IRAK2: variants seen among roughly 807,000 people sequenced by gnomAD.
The protein encoded by IRAK2 is interleukin 1 receptor associated kinase 2.
IRAK2 carries 57 observed loss-of-function variants against 72.0 expected under a neutral mutation model. The ratio of observed to expected loss-of-function variants is 0.79; its 90% CI spans 0.64 to 0.99. The LOEUF (loss-of-function observed/expected upper bound fraction) is 0.99. Among genes scored for constraint, IRAK2 ranks in the 50% least tolerant of loss-of-function variants. The pLI is 0.00. For missense variants in IRAK2, 790 were observed against 794.4 expected (o/e 0.99, Z 0.07); for synonymous variants, 293 against 312.7 (o/e 0.94, Z 0.67).
At chr3:10,239,075 G>A in intron 12 of IRAK2, 36 bp downstream of exon 12, 1 of 1,512,146 alleles carries the variant, frequency 6.6e-7, no homozygotes, top group Non-Finnish European at 8.9e-7. Context: ...GGATGCTCAT[G>A]TGTGTGTCCC....
chr3:10,167,256 G>A (rs1296707638), intron 1 of IRAK2, among the ~76,000 whole-genome samples: 3 of 152,198 alleles, frequency 2.0e-5, no homozygotes, highest in Middle Eastern at 3.4e-3. Context: ...CTCTGTACCC[G>A]TTAACTTCCA....
chr3:10,173,919 C>G (rs912015993), intron 1 of IRAK2, among the ~76,000 whole-genome samples: 7 of 152,198 alleles, frequency 4.6e-5, no homozygotes, highest in Non-Finnish European at 8.8e-5. Context: ...AATGTCTAAG[C>G]TGGAAGGCAC....
rs1330450153 is a variant in IRAK2 at position 10,222,582 on chromosome 3, CTTG to C, written c.1014-48_1014-46del. ...TCTCCCCAAAGGGTCTCCATGGCAA[CTTG>C]TTGTTATCCAGCTCAAAATGAGAAG... On this transcript the variant is annotated intron_variant, in intron 8 of 12. Coordinates refer to ENST00000256458, the MANE Select transcript of IRAK2 (RefSeq NM_001570.4). 16 of 1,488,772 alleles carry C rather than the reference CTTG, an allele frequency of 1.1e-5. No individual in the cohort carries two copies. In the African/African-American group the frequency reaches 1.8e-4, roughly 17 times the overall value. 92.2% of individuals were successfully genotyped at this position (1,488,772 alleles called of 1,614,324 possible).
intron 9 of IRAK2, 138 bp downstream of exon 9, chr3:10,222,969 C>T (rs1697720350): frequency 8.1e-6 from 6 of 737,298 alleles, no homozygotes; most frequent in Non-Finnish European, 8.9e-6. Context: ...AACTGTGGCC[C>T]ACAGGCCACT....
intron 12 of IRAK2, among the ~76,000 whole-genome samples, chr3:10,241,801 CAAAAAAA>C (rs4019566): frequency 0.65 from 52,994 of 82,046 alleles, 14,790 homozygotes; most frequent in East Asian, 0.94. Flanking sequence ...GACTCCATCT[CAAAAAAA>C]AAAAAAAAAA....
intron 4 of IRAK2, among the ~76,000 whole-genome samples, chr3:10,212,177 C>G (rs1251947259): frequency 1.3e-5 from 2 of 152,120 alleles, no homozygotes; most frequent in Non-Finnish European, 2.9e-5. Flanking sequence ...CACATGCAGT[C>G]TCTGGAATTC....
At chr3:10,198,725 A>G (rs1043411095) in intron 2 of IRAK2, among the ~76,000 whole-genome samples, 7 of 152,122 alleles carry the variant, frequency 4.6e-5, no homozygotes, top group Non-Finnish European at 7.4e-5. Context: ...CAGGGTAACA[A>G]TTGGTTTTGT....
In IRAK2 at chr3:10,242,296, C is replaced by A; in HGVS notation, c.*68C>A. ...ATGAGCATCAGATCAAGAAAAAGGTCTGAGGCAGAATCCAAGATCTGCCAG... is the reference window on the plus strand; with the variant it reads ...ATGAGCATCAGATCAAGAAAAAGGTATGAGGCAGAATCCAAGATCTGCCAG... On this transcript the variant is annotated 3_prime_UTR_variant, in exon 13 of 13. Transcript: ENST00000256458. 1 of 896,416 alleles carries A rather than the reference C, an allele frequency of 1.1e-6. No homozygotes were observed. Among genetic ancestry groups the A allele is most frequent in the Non-Finnish European group, 1.7e-6 (1 of 572,536 alleles). 55.5% of individuals were successfully genotyped at this position (896,416 alleles called of 1,614,324 possible). A position where few individuals can be genotyped will look rare whatever the true frequency, so the allele number is the denominator to read the frequency against.
At chr3:10,234,231 C>T (rs1382595489) in intron 10 of IRAK2, among the ~76,000 whole-genome samples, 2 of 152,076 alleles carry the variant, frequency 1.3e-5, no homozygotes, top group Non-Finnish European at 2.9e-5. Context: ...ATTAAGGCCC[C>T]ACGTTTGTGG....
chr3:10,194,990 G>A (rs766678463), intron 2 of IRAK2, among the ~76,000 whole-genome samples: 1 of 152,044 alleles, frequency 6.6e-6, no homozygotes, highest in African/African-American at 2.4e-5. Flanking sequence ...TAGCCCTGCC[G>A]ACACCGCCCC....
At chr3:10,171,201 A>G (rs1276176357) in intron 1 of IRAK2, among the ~76,000 whole-genome samples, 2 of 152,134 alleles carry the variant, frequency 1.3e-5, no homozygotes, top group Non-Finnish European at 2.9e-5. Flanking sequence ...GGCTCGGCGC[A>G]GGGGCTCTTC....
chr3:10,212,708 G>A (rs185043177), intron 4 of IRAK2, among the ~76,000 whole-genome samples: 71 of 151,894 alleles, frequency 4.7e-4, no homozygotes, highest in African/African-American at 1.7e-3. Flanking sequence ...CTCACCCAAG[G>A]TCACAGAGCA....
At chr3:10,210,894 C>T (rs1426009870) in intron 4 of IRAK2, among the ~76,000 whole-genome samples, 5 of 152,124 alleles carry the variant, frequency 3.3e-5, no homozygotes, top group African/African-American at 1.2e-4. Context: ...GAGTCTCGCT[C>T]CATTGCCCAG....
In IRAK2 at chr3:10,242,852, C is replaced by G. The variant is rs1382866193; in HGVS notation, c.*624C>G. 6.6e-6 allele frequency: 1 copy of G among 152,212 alleles called. No homozygotes were observed. Among genetic ancestry groups the G allele is most frequent in the Admixed American group, 6.5e-5 (1 of 15,276 alleles). The allele number at this position is 152,212 out of a possible 1,614,324, so 9.4% of individuals were successfully genotyped here. On this transcript the variant is annotated 3_prime_UTR_variant, in exon 13 of 13. Coordinates refer to ENST00000256458, the MANE Select transcript of IRAK2 (RefSeq NM_001570.4). Reference sequence around the variant, plus strand: ...TCTCAGTGCAGTTCTTGACTCACCTCTCTGGGCCTCAGGTTCTACAAATGC... The same window carrying G: ...TCTCAGTGCAGTTCTTGACTCACCTGTCTGGGCCTCAGGTTCTACAAATGC...
intron 9 of IRAK2, among the ~76,000 whole-genome samples, chr3:10,224,034 C>A (rs1559451406): frequency 6.6e-6 from 1 of 152,130 alleles, no homozygotes; most frequent in African/African-American, 2.4e-5. Flanking sequence ...GGCTCCTTCT[C>A]CTTTAAGAAC....
chr3:10,202,690 T>TTTC (rs1697380550), intron 3 of IRAK2, among the ~76,000 whole-genome samples: 1 of 10,392 alleles, frequency 9.6e-5, no homozygotes, highest in Non-Finnish European at 5.5e-4. Context: ...CTTTCTTTCC[T>TTTC]TTTTTTTTTT....
intron 2 of IRAK2, among the ~76,000 whole-genome samples, chr3:10,184,380 C>G (rs529578384): frequency 6.6e-6 from 1 of 152,362 alleles, no homozygotes; most frequent in African/African-American, 2.4e-5. Flanking sequence ...TATCTGTATA[C>G]ACCTGTCTTG....
chr3:10,197,646 A>T (rs903658350), intron 2 of IRAK2, among the ~76,000 whole-genome samples: 1 of 151,434 alleles, frequency 6.6e-6, no homozygotes, highest in Non-Finnish European at 1.5e-5. Context: ...AGGTCAGGAG[A>T]TCGAGACCAT....
rs73811840 is a variant in IRAK2, at chr3:10,178,117, C to T, written c.277+97C>T. On this transcript the variant is annotated intron_variant, in intron 2 of 12. Transcript: ENST00000256458. Reference sequence around the variant, plus strand: ...ACTCTCTGGCCTTAATACTTTTTTCCTCTTTTAATTAAAAAATTTAATGAG... The same window carrying T: ...ACTCTCTGGCCTTAATACTTTTTTCTTCTTTTAATTAAAAAATTTAATGAG... The T allele has an allele frequency of 4.4e-3, 4,452 of 1,021,696 alleles. 134 individuals are homozygous for T. The African/African-American group carries it at 0.065, about 15-fold the overall frequency. 63.3% of individuals were successfully genotyped at this position (1,021,696 alleles called of 1,614,324 possible).
Sources: allele counts gnomAD v4.1 joint callset (sites outside exome capture counted in the v4.1 genomes callset), GRCh38; gene constraint gnomAD v4.1.1; transcripts MANE v1.5; gene names NCBI Gene and HGNC (gene_info 2026-07-23, HGNC 2026-07-21).